TOGARAM1: variants seen among roughly 807,000 people sequenced by gnomAD.
TOGARAM1 encodes the protein TOG array regulator of axonemal microtubules protein 1.
Under a neutral mutation model 166.6 loss-of-function variants are expected in TOGARAM1, and 100 were observed. The observed-to-expected ratio is 0.60, with a 90% CI of 0.51 to 0.71. The LOEUF (loss-of-function observed/expected upper bound fraction) is 0.71, where lower values mean the gene tolerates loss of function less well. TOGARAM1 is among the 30% of genes least tolerant of loss of function. The probability of loss-of-function intolerance (pLI) is 0.00; values close to 1 mark genes in which losing one functional copy is unlikely to be tolerated. For missense variants in TOGARAM1, 2,029 were observed against 2,102.7 expected (o/e 0.96, Z 0.69); for synonymous variants, 758 against 763.8 (o/e 0.99, Z 0.13).
chr14:45,027,449 A>G lies in TOGARAM1; in HGVS notation c.3479A>G (p.Tyr1160Cys). Reference protein sequence around the residue: ...GRSVQQNISSYLDVENEKDAK... With the variant: ...GRSVQQNISSCLDVENEKDAK... ...TCAGTCCAGCAAAATATTTCATCATATCTTGATGTTGAGAATGAAAAAGAT... is the reference window on the plus strand; with the variant it reads ...TCAGTCCAGCAAAATATTTCATCATGTCTTGATGTTGAGAATGAAAAAGAT... Residue 1160 changes from tyrosine to cysteine, a missense_variant, in exon 9 of 20, where the codon TAT (tyrosine) becomes TGT (cysteine). Transcript: ENST00000361462. 1 of 1,607,662 alleles carries G rather than the reference A, an allele frequency of 6.2e-7. No individual in the cohort carries two copies. The highest frequency in any genetic ancestry group is 8.5e-7 in the Non-Finnish European group (1 of 1,177,502).
rs1885277087 is a variant in TOGARAM1, at chr14:44,963,036, A to G, written c.615A>G (p.Ile205Met). 6.2e-7 allele frequency: 1 copy of G among 1,614,164 alleles called. No homozygotes were observed. Among genetic ancestry groups the G allele is most frequent in the Non-Finnish European group, 8.5e-7 (1 of 1,180,030 alleles). Residue 205 changes from isoleucine to methionine, a missense_variant, in exon 1 of 20, where the codon ATA becomes ATG. Physicochemically the swap from Ile to Met is conservative, Grantham distance 10 (BLOSUM62 1). Transcript: ENST00000361462. ...LRKDALQILHICLKRSPGEVL... is the reference protein window; with the variant it reads ...LRKDALQILHMCLKRSPGEVL... Reference sequence around the variant, plus strand: ...AAGATGCGCTGCAGATCCTTCATATATGTCTGAAACGTAGTCCTGGAGAGG... The same window carrying G: ...AAGATGCGCTGCAGATCCTTCATATGTGTCTGAAACGTAGTCCTGGAGAGG...
chr14:45,004,020 G>A (rs759965947), intron 3 of TOGARAM1, 41 bp from the exon 4 acceptor site: 1 of 1,522,368 alleles, frequency 6.6e-7, no homozygotes, highest in Admixed American at 2.0e-5. Context: ...CTGTTAAACT[G>A]TGTATACATA....
In TOGARAM1 at chr14:44,962,608, A is replaced by G. The variant is rs543272768; in HGVS notation, c.187A>G (p.Thr63Ala). ...GGGGGACCACGGTTCCTGCCCCACT[A>G]CAACTTCGCCTCTGGCCTCGGCCCT... ...AAGDHGSCPT[T>A]TSPLASALLM... Residue 63 changes from threonine to alanine, a missense_variant, in exon 1 of 20, where the codon ACA becomes GCA. Transcript: ENST00000361462. 6.2e-7 allele frequency: 1 copy of G among 1,613,644 alleles called. No homozygotes were observed. The highest frequency in any genetic ancestry group is 1.7e-5 in the Admixed American group (1 of 59,990).
At chr14:45,042,971 A>G (rs1393002327) in intron 11 of TOGARAM1, among the ~76,000 whole-genome samples, 1 of 152,162 alleles carries the variant, frequency 6.6e-6, no homozygotes, top group Non-Finnish European at 1.5e-5. Flanking sequence ...CATGCATGCT[A>G]ACATAACTTC....
At chr14:45,011,783 A>ATGTGTGTGTG (rs561590482) in intron 6 of TOGARAM1, 192 bp from the exon 7 acceptor site, 1 of 417,686 alleles carries the variant, frequency 2.4e-6, no homozygotes, top group African/African-American at 2.7e-5. Context: ...AGCAAAATAT[A>ATGTGTGTGTG]TATGTGTGTG....
Position 44,963,346 on chromosome 14 carries a change from C to G in TOGARAM1, c.925C>G (p.Arg309Gly). 1 of 1,614,148 alleles carries G rather than the reference C, an allele frequency of 6.2e-7. No individual in the cohort carries two copies. The highest frequency in any genetic ancestry group is 8.5e-7 in the Non-Finnish European group (1 of 1,180,026). The change falls in exon 1 of 20, where the codon CGC becomes GGC. Residue 309 changes from arginine (R) to glycine (G), a missense_variant. Physicochemically the swap from Arg to Gly is moderately radical, Grantham distance 125 (BLOSUM62 -2). Coordinates refer to ENST00000361462, the MANE Select transcript of TOGARAM1 (RefSeq NM_001308120.2). ...CTCTGCCCTGAGGAGACACTACAATCGCCGCCTGGAGTCCCAGTTTGGAAG... is the reference window on the plus strand; with the variant it reads ...CTCTGCCCTGAGGAGACACTACAATGGCCGCCTGGAGTCCCAGTTTGGAAG... ...LPSALRRHYNRRLESQFGSQV... is the reference protein window; with the variant it reads ...LPSALRRHYNGRLESQFGSQV...
At chr14:45,018,373 G>A (rs1880285011) in intron 7 of TOGARAM1, among the ~76,000 whole-genome samples, 1 of 152,018 alleles carries the variant, frequency 6.6e-6, no homozygotes, top group Non-Finnish European at 1.5e-5. Flanking sequence ...CCTAGTAACT[G>A]GGATTACAGG....
intron 1 of TOGARAM1, among the ~76,000 whole-genome samples, chr14:44,968,781 T>C (rs1885706513): frequency 6.6e-6 from 1 of 152,206 alleles, no homozygotes; most frequent in African/African-American, 2.4e-5. Context: ...TTTTGGCAAA[T>C]GTATCCATGT....
At position 44,984,602 on chromosome 14, in the gene TOGARAM1, TA is replaced by T. The variant is rs755999476; in HGVS notation, c.2047-11131del. On this transcript the variant is annotated intron_variant, in intron 1 of 19. Coordinates refer to ENST00000361462, the MANE Select transcript of TOGARAM1 (RefSeq NM_001308120.2). The stretch of plus-strand genomic sequence containing the variant: ...TGGGCAATATACGAGACCCTGTCTC[TA>T]AAAAAAAAAAAATGCAAATAAATTA... 3.3e-3 allele frequency among the ~76,000 whole-genome samples: 465 copies of T among 141,820 alleles called. 1 individual carries two copies. The highest frequency in any genetic ancestry group is 0.024 in the East Asian group (116 of 4,922). 93.0% of individuals were successfully genotyped at this position (141,820 alleles called of 152,430 possible). A position where few individuals can be genotyped will look rare whatever the true frequency, so the allele number is the denominator to read the frequency against.
intron 18 of TOGARAM1, 48 bp from the exon 19 acceptor site, chr14:45,071,664 A>C: frequency 1.5e-6 from 2 of 1,310,036 alleles, no homozygotes; most frequent in Non-Finnish European, 2.2e-6. Context: ...AAAGTAACTA[A>C]GAGCTCATTA....
intron 8 of TOGARAM1, 64 bp from the exon 9 acceptor site, chr14:45,027,235 C>G: frequency 6.5e-7 from 1 of 1,532,978 alleles, no homozygotes; most frequent in Non-Finnish European, 8.8e-7. Flanking sequence ...TTGCCTTAAA[C>G]TTTGTTGTCT....
intron 1 of TOGARAM1, among the ~76,000 whole-genome samples, chr14:44,966,918 A>G (rs1885580537): frequency 6.6e-6 from 1 of 151,260 alleles, no homozygotes; most frequent in African/African-American, 2.5e-5. Flanking sequence ...TGATTGTGCC[A>G]CTGCACTCCA....
chr14:44,978,668 C>T (rs1886348683), intron 1 of TOGARAM1, among the ~76,000 whole-genome samples: 1 of 151,328 alleles, frequency 6.6e-6, no homozygotes, highest in African/African-American at 2.4e-5. Flanking sequence ...CATGGTGGCA[C>T]ATGTCTATAG....
intron 11 of TOGARAM1, among the ~76,000 whole-genome samples, chr14:45,039,213 C>T (rs565056894): frequency 6.6e-6 from 1 of 152,154 alleles, no homozygotes; most frequent in Non-Finnish European, 1.5e-5. Flanking sequence ...GGTAGCTTTT[C>T]TCCACAGGCA....
intron 1 of TOGARAM1, among the ~76,000 whole-genome samples, chr14:44,983,121 A>G (rs562530827): frequency 1.3e-5 from 2 of 152,176 alleles, no homozygotes; most frequent in Non-Finnish European, 2.9e-5. Context: ...CTGTGTCTTT[A>G]TTATGGTAGG....
At chr14:44,998,377 A>G (rs556024481) in intron 2 of TOGARAM1, among the ~76,000 whole-genome samples, 2 of 152,384 alleles carry the variant, frequency 1.3e-5, no homozygotes, top group East Asian at 3.9e-4. Context: ...ATAGGTATTG[A>G]AGTGGTTTCA....
intron 10 of TOGARAM1, among the ~76,000 whole-genome samples, 162 bp from the exon 11 acceptor site, chr14:45,032,061 G>C (rs771406772): frequency 4.6e-5 from 7 of 152,204 alleles, no homozygotes; most frequent in Non-Finnish European, 8.8e-5. Flanking sequence ...TTGCGAGGTT[G>C]AGGCAGGAGA....
intron 9 of TOGARAM1, among the ~76,000 whole-genome samples, chr14:45,027,763 G>C (rs1880939561): frequency 6.6e-6 from 1 of 151,964 alleles, no homozygotes; most frequent in Admixed American, 6.6e-5. Context: ...CAGCTACTTG[G>C]GAGGCTGAGG....
intron 12 of TOGARAM1, among the ~76,000 whole-genome samples, chr14:45,044,009 GT>G (rs1255735950): frequency 2.0e-5 from 3 of 151,940 alleles, no homozygotes; most frequent in East Asian, 1.9e-4. Context: ...AAGATGTGGG[GT>G]TTTGTTTGTT....
Sources: allele counts gnomAD v4.1 joint callset (sites outside exome capture counted in the v4.1 genomes callset), GRCh38; gene constraint gnomAD v4.1.1; transcripts MANE v1.5; gene names NCBI Gene and HGNC (gene_info 2026-07-23, HGNC 2026-07-21).